Variants in SCAF1 observed in about 807,000 individuals in gnomAD.
The protein encoded by SCAF1 is SR-related CTD associated factor 1, also known as splicing factor, arginine/serine-rich 19.
A neutral mutation model predicts 91.2 loss-of-function variants in SCAF1; 28 were observed. That is an observed-to-expected ratio of 0.31 (90% CI 0.23 to 0.42). The LOEUF (loss-of-function observed/expected upper bound fraction) is 0.42, where lower values mean the gene tolerates loss of function less well. Ranked by LOEUF, SCAF1 falls within the 10% of genes least tolerant of loss-of-function variation. The pLI, the probability that SCAF1 is intolerant of heterozygous loss-of-function variation, is 1.00. For missense variants in SCAF1, 1,893 were observed against 1,872.1 expected (o/e 1.01, Z -0.21); for synonymous variants, 1,036 against 833.7 (o/e 1.24, Z -4.18).
chr19:49,645,760 C>A lies in SCAF1; in HGVS notation c.167-348C>A, dbSNP rs1162420569. The stretch of plus-strand genomic sequence containing the variant: ...CTGATCAGCTGCAGCAGGCCTACAG[C>A]ACGGGTGCAGCGGCGAGGGGCTGCG... On this transcript the variant is annotated intron_variant, in intron 3 of 10. Transcript: ENST00000360565. This position sits in a 1 kb window ranked among gnomAD's most constrained non-coding sequence, Gnocchi z 4.6. 1.3e-5 allele frequency among the ~76,000 whole-genome samples: 2 copies of A among 152,128 alleles called. No individual in the cohort carries two copies. The highest frequency in any genetic ancestry group is 2.9e-5 in the Non-Finnish European group (2 of 68,008).
rs369861842 is a variant in SCAF1 at position 49,652,411 on chromosome 19, G to T, written c.2022G>T (p.Ser674=). 2.5e-6 allele frequency: 4 copies of T among 1,593,550 alleles called. No homozygotes were observed. Among genetic ancestry groups the T allele is most frequent in the East Asian group, 2.3e-5 (1 of 44,294 alleles). The change falls in exon 7 of 11, where the codon TCG becomes TCT. Residue 674 remains serine, a synonymous_variant. Coordinates refer to ENST00000360565, the MANE Select transcript of SCAF1 (RefSeq NM_021228.3). ...CCCCGCCGCCCTCTGGCTCCACCTC[G>T]TGTGGTGACCGCGACAGCCGCCGCC... ...APAPPPSGST[S]CGDRDSRRRG... is the part of the protein sequence containing the mutation.
At chr19:49,644,982 C>T (rs537416869) in intron 1 of SCAF1, 39 bp from the exon 2 acceptor site, 22 of 1,465,342 alleles carry the variant, frequency 1.5e-5, no homozygotes, top group South Asian at 8.1e-5. Context: ...TCCTTTCTCC[C>T]GGGACCTCCA....
Position 49,646,627 on chromosome 19 carries a change from G to T in SCAF1, c.362+1G>T. ...GCCGCCTGGACCTGCGGCCTGGCGA[G>T]TGAGTAGCTGGGCAGCTGGAGTGGG... is the stretch of plus-strand genomic sequence containing the variant. On this transcript the variant is annotated splice_donor_variant, in intron 5 of 10. Transcript: ENST00000360565. LOFTEE classifies it high-confidence loss of function. The surrounding 1 kb of genome is among the most constrained non-coding windows in gnomAD (Gnocchi z 5.6). 6.2e-7 allele frequency: 1 copy of T among 1,614,068 alleles called. No homozygotes were observed.
At position 49,650,858 on chromosome 19, in the gene SCAF1, TC is replaced by T; in HGVS notation, c.479-8del. ...GCCCTGACCGCCTCTCTCTCCCTGTTCCTTTGCAGTTTCTCCACAGTCGAAC... is the reference window on the plus strand; with the variant it reads ...GCCCTGACCGCCTCTCTCTCCCTGTTCTTTGCAGTTTCTCCACAGTCGAAC... On this transcript the variant is annotated splice_polypyrimidine_tract_variant and intron_variant, in intron 6 of 10. Coordinates refer to ENST00000360565, the MANE Select transcript of SCAF1 (RefSeq NM_021228.3). The T allele has an allele frequency of 5.0e-6, 8 of 1,604,476 alleles. No homozygotes were observed. The highest frequency in any genetic ancestry group is 6.8e-6 in the Non-Finnish European group (8 of 1,174,882).
chr19:49,651,588 A>C lies in SCAF1; in HGVS notation c.1199A>C (p.Glu400Ala), dbSNP rs1340869877. The C allele has an allele frequency of 2.6e-6, 4 of 1,541,560 alleles. No homozygotes were observed. The Admixed American group carries it at 8.0e-5, about 31-fold the overall frequency. The change falls in exon 7 of 11, where the codon GAG becomes GCG. Residue 400 changes from glutamate (E) to alanine (A), a missense_variant. Coordinates refer to ENST00000360565, the MANE Select transcript of SCAF1 (RefSeq NM_021228.3). ...EIEEGEIVQPEEEPRLALSLF... is the reference protein window; with the variant it reads ...EIEEGEIVQPAEEPRLALSLF... Reference sequence around the variant, plus strand: ...GAGGAAGGGGAGATCGTCCAGCCGGAGGAGGAGCCCAGGCTGGCGCTGTCC... The same window carrying C: ...GAGGAAGGGGAGATCGTCCAGCCGGCGGAGGAGCCCAGGCTGGCGCTGTCC...
rs1487532409 is a variant in SCAF1 at position 49,651,307 on chromosome 19, TGAC to T, written c.919_921del (p.Asp307del). On this transcript the variant is annotated inframe_deletion, in exon 7 of 11. Coordinates refer to ENST00000360565, the MANE Select transcript of SCAF1 (RefSeq NM_021228.3). ...CGGAGACCCTGGCGGGCATCTACGA[TGAC>T]AACAGCCTGAGCCAGGACTTCCCAG... 2 of 1,610,458 alleles carry T rather than the reference TGAC, an allele frequency of 1.2e-6. No homozygotes were observed. The highest frequency in any genetic ancestry group is 1.7e-6 in the Non-Finnish European group (2 of 1,179,750).
chr19:49,645,992 G>A lies in SCAF1; in HGVS notation c.167-116G>A. On this transcript the variant is annotated intron_variant, in intron 3 of 10. Transcript: ENST00000360565. The surrounding 1 kb of genome is among the most constrained non-coding windows in gnomAD (Gnocchi z 4.6). Reference sequence around the variant, plus strand: ...GAGGTGGCGCATGGAGGCCTGGAGAGCATGCGGGAGGCTGGTTCCGCTGTC... The same window carrying A: ...GAGGTGGCGCATGGAGGCCTGGAGAACATGCGGGAGGCTGGTTCCGCTGTC... The A allele has an allele frequency of 1.1e-6, 1 of 901,808 alleles. No individual in the cohort carries two copies. Among genetic ancestry groups the A allele is most frequent in the South Asian group, 1.4e-5 (1 of 72,814 alleles). The allele number at this position is 901,808 out of a possible 1,614,324, so 55.9% of individuals were successfully genotyped here.
At chr19:49,641,887 C>A (rs1422171586), upstream of SCAF1, among the ~76,000 whole-genome samples, 1 of 152,240 alleles carries the variant, frequency 6.6e-6, no homozygotes, top group Non-Finnish European at 1.5e-5. Flanking sequence ...TACGTCACCT[C>A]CTGTTCCGCC....
chr19:49,657,636 TC>T (rs1408700318), intron 9 of SCAF1, 124 bp from the exon 10 acceptor site: 1 of 1,259,792 alleles, frequency 7.9e-7, no homozygotes, highest in Admixed American at 2.2e-5. Flanking sequence ...CAGCAGGACT[TC>T]CAGCCTGAGA....
intron 1 of SCAF1, among the ~76,000 whole-genome samples, chr19:49,643,013 G>T (rs1038467192): frequency 2.6e-5 from 4 of 152,214 alleles, no homozygotes; most frequent in African/African-American, 9.7e-5. Flanking sequence ...CAGTTTTGAT[G>T]CCTGGAGCAA....
In SCAF1 at chr19:49,652,991, C is replaced by T. The variant is rs1219026133; in HGVS notation, c.2602C>T (p.Arg868Cys). 3 of 1,613,966 alleles carry T rather than the reference C, an allele frequency of 1.9e-6. No individual in the cohort carries two copies. The highest frequency in any genetic ancestry group is 1.6e-4 in the Middle Eastern group (1 of 6,062). ...GLGSIGVKFS[R>C]DRESRSPFLK... The stretch of plus-strand genomic sequence containing the variant: ...GGGCTCCATTGGCGTCAAATTCAGC[C>T]GTGACCGCGAGAGTCGCTCCCCCTT... Residue 868 changes from arginine (R) to cysteine (C), a missense_variant, in exon 7 of 11, where the codon CGT (arginine) becomes TGT (cysteine). Arg to Cys is a radical substitution (Grantham distance 180, BLOSUM62 -3). Transcript: ENST00000360565.
chr19:49,644,553 G>C (rs1337162842), intron 1 of SCAF1, among the ~76,000 whole-genome samples: 1 of 152,204 alleles, frequency 6.6e-6, no homozygotes, highest in East Asian at 1.9e-4. Context: ...TTAAGGCATG[G>C]TGTTGAATAT....
At chr19:49,654,204 C>A in intron 7 of SCAF1, 145 bp from the exon 8 acceptor site, 1 of 675,376 alleles carries the variant, frequency 1.5e-6, no homozygotes, top group South Asian at 1.9e-5. Context: ...GGCCAAGGCC[C>A]CCTTTTCCCA....
chr19:49,653,514 C>T lies in SCAF1; in HGVS notation c.3125C>T (p.Pro1042Leu). ...EEEEEEEEQQ[P>L]ATTTATSTAA... ...GAGGAAGAGGAGGAGGAGCAGCAGC[C>T]TGCTACCACCACGGCCACCAGCACT... The change falls in exon 7 of 11, where the codon CCT becomes CTT. Residue 1042 changes from proline to leucine, a missense_variant. By Grantham distance (98) the Pro-to-Leu change is moderately conservative. Transcript: ENST00000360565. 2 of 1,571,648 alleles carry T rather than the reference C, an allele frequency of 1.3e-6. No homozygotes were observed. The highest frequency in any genetic ancestry group is 1.2e-5 in the South Asian group (1 of 85,408).
In SCAF1 at chr19:49,645,216, CA is replaced by C. The variant is rs1319079877; in HGVS notation, c.108+83del. The C allele has an allele frequency of 6.7e-7, 1 of 1,503,212 alleles. No individual in the cohort carries two copies. The highest frequency in any genetic ancestry group is 1.4e-5 in the African/African-American group (1 of 72,458). The allele number at this position is 1,503,212 out of a possible 1,614,324, so 93.1% of individuals were successfully genotyped here. ...AGGGGCCTGACTCCAGGGCCTGAGG[CA>C]GGGGCGCTGGACTCTTGGCTCCCTT... On this transcript the variant is annotated intron_variant, in intron 2 of 10. Transcript: ENST00000360565. The surrounding 1 kb of genome is among the most constrained non-coding windows in gnomAD (Gnocchi z 4.6).
At position 49,646,222 on chromosome 19, in the gene SCAF1, T is replaced by TG; in HGVS notation, c.261+25dup. ...GCTACTGTGAGTAAGAAGAGGGGGC[T>TG]GGGGGCCTGGCTCACGGGTATCAGG... On this transcript the variant is annotated intron_variant, in intron 4 of 10. Transcript: ENST00000360565. The surrounding 1 kb of genome is among the most constrained non-coding windows in gnomAD (Gnocchi z 5.6). The TG allele has an allele frequency of 1.6e-6, 2 of 1,279,660 alleles. No individual in the cohort carries two copies. The highest frequency in any genetic ancestry group is 2.0e-6 in the Non-Finnish European group (2 of 985,194). The allele number at this position is 1,279,660 out of a possible 1,614,324, so 79.3% of individuals were successfully genotyped here.
At chr19:49,654,017 A>C (rs976121163) in intron 7 of SCAF1, among the ~76,000 whole-genome samples, 15 of 152,138 alleles carry the variant, frequency 9.9e-5, no homozygotes, top group African/African-American at 3.6e-4. Context: ...TTCCTTACGG[A>C]TGGCGGTTGC....
chr19:49,655,518 C>G (rs2081133579), intron 9 of SCAF1, among the ~76,000 whole-genome samples: 1 of 152,202 alleles, frequency 6.6e-6, no homozygotes, highest in South Asian at 2.1e-4. Context: ...AGGCACCCGC[C>G]ACCACACCCA....
intron 1 of SCAF1, among the ~76,000 whole-genome samples, chr19:49,644,276 T>C (rs986587704): frequency 6.6e-6 from 1 of 152,240 alleles, no homozygotes; most frequent in Non-Finnish European, 1.5e-5. Context: ...ACCTGTTTGA[T>C]GGATGATCTT....
Sources: allele counts gnomAD v4.1 joint callset (sites outside exome capture counted in the v4.1 genomes callset), GRCh38; gene constraint gnomAD v4.1.1; non-coding constraint Gnocchi (gnomAD v3.1); transcripts MANE v1.5; gene names NCBI Gene and HGNC (gene_info 2026-07-23, HGNC 2026-07-21).